Variants in EML6 observed in about 807,000 individuals in gnomAD.
EML6 encodes the protein echinoderm microtubule-associated protein-like 6.
In EML6, 154 loss-of-function variants were observed where a neutral mutation model predicts 240.1. The observed-to-expected ratio is 0.64, with a 90% CI of 0.56 to 0.73. The LOEUF (loss-of-function observed/expected upper bound fraction) is 0.73. EML6 is among the 30% of genes least tolerant of loss of function. The pLI, the probability that EML6 is intolerant of heterozygous loss-of-function variation, is 0.00. For synonymous variants in EML6, 1,148 were observed against 899.0 expected (o/e 1.28, Z -4.95); for missense variants, 2,964 against 2,474.6 (o/e 1.20, Z -4.20).
chr2:54,854,480 C>G (rs1218218583), intron 11 of EML6, among the ~76,000 whole-genome samples: 2 of 152,184 alleles, frequency 1.3e-5, no homozygotes, highest in African/African-American at 2.4e-5. Flanking sequence ...ATGTAATGAC[C>G]TCTTCTTCCT....
chr2:54,799,200 A>G (rs1263815594), intron 2 of EML6, among the ~76,000 whole-genome samples: 2 of 152,154 alleles, frequency 1.3e-5, no homozygotes, highest in African/African-American at 4.8e-5. Context: ...AGCTGGGACT[A>G]CAGGTGTGCA....
At chr2:54,866,719 A>G in intron 13 of EML6, 47 bp from the exon 14 acceptor site, 1 of 1,086,118 alleles carries the variant, frequency 9.2e-7, no homozygotes, top group Non-Finnish European at 1.3e-6. Context: ...ATATTTTTGG[A>G]ACCTGATGAA....
intron 7 of EML6, among the ~76,000 whole-genome samples, chr2:54,835,880 G>C (rs73935672): frequency 0.05 from 7,638 of 152,224 alleles, 624 homozygotes; most frequent in African/African-American, 0.17. Context: ...TAGTGTTGTT[G>C]TTAAGATCCC....
rs554699592 is a variant in EML6 at position 54,866,322 on chromosome 2, A to G, written c.1933-444A>G. On this transcript the variant is annotated intron_variant, in intron 13 of 41. Transcript: ENST00000356458. Reference sequence around the variant, plus strand: ...AGACCAAGATTGATCTTTGCTCTGTATCTCAGATCTGTTAAGATGCATGAA... The same window carrying G: ...AGACCAAGATTGATCTTTGCTCTGTGTCTCAGATCTGTTAAGATGCATGAA... Among the ~76,000 whole-genome samples the G allele has an allele frequency of 7.3e-4, 111 of 152,334 alleles. No individual in the cohort carries two copies. The Middle Eastern group carries it at 0.017, about 23-fold the overall frequency.
Position 54,971,911 on chromosome 2 carries a change from C to A in EML6, c.*1816C>A, listed in dbSNP as rs1677037906. ...TTGATTTTATGTATGTTCATAAATC[C>A]TGCACTGTATGATATATGTGAGTTA... On this transcript the variant is annotated 3_prime_UTR_variant, in exon 42 of 42. Coordinates refer to ENST00000356458, the MANE Select transcript of EML6 (RefSeq NM_001039753.4). The A allele has an allele frequency of 6.6e-6, 1 of 152,136 alleles. No homozygotes were observed. The highest frequency in any genetic ancestry group is 1.5e-5 in the Non-Finnish European group (1 of 68,034). 9.4% of individuals were successfully genotyped at this position (152,136 alleles called of 1,614,324 possible).
In EML6 at chr2:54,871,725, G is replaced by A. The variant is rs1235699878; in HGVS notation, c.2344+120G>A. 38 of 729,446 alleles carry A rather than the reference G, an allele frequency of 5.2e-5. 1 individual carries two copies. The highest frequency in any genetic ancestry group is 5.1e-4 in the South Asian group (31 of 60,324). 45.2% of individuals were successfully genotyped at this position (729,446 alleles called of 1,614,324 possible). On this transcript the variant is annotated intron_variant, in intron 16 of 41. Transcript: ENST00000356458. ...TATTTAAACATGCTCCCACTTAGTCGTTCTGTTTGTATTGAAGTACAAGCT... is the reference window on the plus strand; with the variant it reads ...TATTTAAACATGCTCCCACTTAGTCATTCTGTTTGTATTGAAGTACAAGCT...
intron 2 of EML6, chr2:54,747,470 G>C (rs955988164): frequency 5.9e-5 from 9 of 152,204 alleles, no homozygotes; most frequent in African/African-American, 2.2e-4. Context: ...ATTCAAAATA[G>C]TGGGAGTTAA....
chr2:54,967,073 T>C lies in EML6; in HGVS notation c.5567T>C (p.Ile1856Thr), dbSNP rs1676780833. 1 of 1,551,392 alleles carries C rather than the reference T, an allele frequency of 6.4e-7. No homozygotes were observed. The highest frequency in any genetic ancestry group is 8.7e-7 in the Non-Finnish European group (1 of 1,146,824). ...LGKQVTEAVV[I>T]EKITWASWTS... ...AAGCAGGTAACTGAAGCCGTGGTCA[T>C]TGAGAAGATCACCTGGGCCTCCTGG... The change falls in exon 39 of 42, where the codon ATT becomes ACT. Residue 1856 changes from isoleucine to threonine, a missense_variant. Transcript: ENST00000356458.
chr2:54,951,003 C>T (rs1185502505), intron 30 of EML6, among the ~76,000 whole-genome samples: 1 of 152,084 alleles, frequency 6.6e-6, no homozygotes. Flanking sequence ...ATCATAGGCC[C>T]TAGAGAGAAG....
chr2:54,758,325 G>A (rs762735772), intron 2 of EML6, among the ~76,000 whole-genome samples: 1 of 152,114 alleles, frequency 6.6e-6, no homozygotes, highest in African/African-American at 2.4e-5. Flanking sequence ...ACTATTTCTG[G>A]TGGGAGTCCT....
At chr2:54,769,773 A>T (rs1367900304) in intron 2 of EML6, among the ~76,000 whole-genome samples, 1 of 152,198 alleles carries the variant, frequency 6.6e-6, no homozygotes, top group African/African-American at 2.4e-5. Flanking sequence ...TGAACTTTTA[A>T]GTGTGTGATA....
intron 2 of EML6, among the ~76,000 whole-genome samples, chr2:54,729,156 G>A (rs1007713471): frequency 1.3e-5 from 2 of 152,160 alleles, no homozygotes; most frequent in Non-Finnish European, 1.5e-5. Context: ...TTTGTTGTGG[G>A]GATTACATAC....
chr2:54,781,597 A>C (rs1668860553), intron 2 of EML6, among the ~76,000 whole-genome samples: 1 of 152,220 alleles, frequency 6.6e-6, no homozygotes, highest in African/African-American at 2.4e-5. Context: ...GCTCATATCT[A>C]ATACTAAAAA....
chr2:54,723,877 C>A (rs1682792149), intron 1 of EML6, 100 bp downstream of exon 1: 1 of 152,610 alleles, frequency 6.6e-6, no homozygotes, highest in Non-Finnish European at 1.5e-5. Flanking sequence ...GCGGGCCGAA[C>A]AGTCCTGAGG....
intron 7 of EML6, among the ~76,000 whole-genome samples, chr2:54,838,850 T>TCA (rs1669291546): frequency 6.6e-6 from 1 of 152,220 alleles, no homozygotes; most frequent in Non-Finnish European, 1.5e-5. Context: ...TGAAACGCCT[T>TCA]CAGTTCACAG....
chr2:54,867,034 T>C, intron 14 of EML6, 150 bp downstream of exon 14: 1 of 520,462 alleles, frequency 1.9e-6, no homozygotes, highest in Non-Finnish European at 3.5e-6. Context: ...GTACCTGTGG[T>C]TGCTATTTTA....
At chr2:54,736,368 G>A (rs1683391621) in intron 2 of EML6, among the ~76,000 whole-genome samples, 1 of 152,208 alleles carries the variant, frequency 6.6e-6, no homozygotes, top group Non-Finnish European at 1.5e-5. Flanking sequence ...CATGGGGATT[G>A]GGGTCCCATG....
chr2:54,823,037 G>T (rs1334658420), intron 5 of EML6, among the ~76,000 whole-genome samples: 1 of 152,104 alleles, frequency 6.6e-6, no homozygotes, highest in East Asian at 1.9e-4. Context: ...TTCTGTGCTT[G>T]GTACAGCATA....
chr2:54,876,739 G>T (rs1671526999), intron 16 of EML6, among the ~76,000 whole-genome samples: 1 of 152,090 alleles, frequency 6.6e-6, no homozygotes, highest in Admixed American at 6.6e-5. Context: ...TGTTTACAGG[G>T]TAGAATGTGA....
Sources: allele counts gnomAD v4.1 joint callset (sites outside exome capture counted in the v4.1 genomes callset), GRCh38; gene constraint gnomAD v4.1.1; transcripts MANE v1.5; gene names NCBI Gene and HGNC (gene_info 2026-07-23, HGNC 2026-07-21).